FIBCD1: variants seen among roughly 807,000 people sequenced by gnomAD.
FIBCD1 encodes the protein fibrinogen C domain-containing protein 1.
In FIBCD1, 47 loss-of-function variants were observed where a neutral mutation model predicts 45.1. That is an observed-to-expected ratio of 1.04 (90% confidence interval 0.82 to 1.33). The LOEUF (loss-of-function observed/expected upper bound fraction) is 1.33, where lower values mean the gene tolerates loss of function less well. Ranked by LOEUF, FIBCD1 falls within the 40% of genes most tolerant of loss-of-function variation. The pLI is 0.00. For synonymous variants in FIBCD1, 313 were observed against 308.1 expected (o/e 1.02, Z -0.17); for missense variants, 653 against 682.2 (o/e 0.96, Z 0.48).
At chr9:130,918,909 G>A (rs962843420) in intron 4 of FIBCD1, among the ~76,000 whole-genome samples, 3 of 152,212 alleles carry the variant, frequency 2.0e-5, no homozygotes, top group East Asian at 1.9e-4. Context: ...AAGTCAATGC[G>A]TAAACGGACG....
At chr9:130,907,133 G>A (rs73656071) in intron 5 of FIBCD1, among the ~76,000 whole-genome samples, 4,912 of 152,274 alleles carry the variant, frequency 0.032, 253 homozygotes, top group African/African-American at 0.11. Context: ...CCCCGGGGAT[G>A]CTGGAAGATT....
intron 5 of FIBCD1, among the ~76,000 whole-genome samples, chr9:130,910,608 A>G (rs1832020388): frequency 6.6e-6 from 1 of 152,188 alleles, no homozygotes; most frequent in African/African-American, 2.4e-5. Flanking sequence ...GGAGGTGGAG[A>G]GTCTTTATGT....
intron 4 of FIBCD1, among the ~76,000 whole-genome samples, chr9:130,919,680 G>A (rs1257695730): frequency 6.6e-6 from 1 of 152,190 alleles, no homozygotes; most frequent in Non-Finnish European, 1.5e-5. Flanking sequence ...ATGTGAACTG[G>A]CTGACCTCGC....
At chr9:130,931,194 C>T (rs1392340717) in intron 1 of FIBCD1, among the ~76,000 whole-genome samples, 1 of 152,182 alleles carries the variant, frequency 6.6e-6, no homozygotes, top group African/African-American at 2.4e-5. Flanking sequence ...GTGGCTGTCA[C>T]TCCAGAACAA....
intron 3 of FIBCD1, 92 bp from the exon 4 acceptor site, chr9:130,923,972 T>TG (rs1257139581): frequency 6.4e-7 from 1 of 1,562,046 alleles, no homozygotes; most frequent in African/African-American, 1.4e-5. Context: ...ATAATGCATG[T>TG]GGGGTCCCAT....
chr9:130,918,894 C>T (rs1006899371), intron 4 of FIBCD1, among the ~76,000 whole-genome samples: 2 of 152,220 alleles, frequency 1.3e-5, no homozygotes, highest in African/African-American at 4.8e-5. Flanking sequence ...GGGGAAGAGG[C>T]AATCAAGTCA....
At chr9:130,905,642 G>A (rs1831914663) in intron 5 of FIBCD1, among the ~76,000 whole-genome samples, 1 of 152,188 alleles carries the variant, frequency 6.6e-6, no homozygotes, top group African/African-American at 2.4e-5. Context: ...CCTTTAAGTG[G>A]AGCTGTGATG....
At chr9:130,915,501 G>A (rs1405009816) in intron 4 of FIBCD1, among the ~76,000 whole-genome samples, 1 of 152,132 alleles carries the variant, frequency 6.6e-6, no homozygotes, top group Non-Finnish European at 1.5e-5. Flanking sequence ...TCAGGAGTTC[G>A]AGACCAGCCT....
chr9:130,905,978 C>A (rs1831920915), intron 5 of FIBCD1, among the ~76,000 whole-genome samples: 2 of 152,178 alleles, frequency 1.3e-5, no homozygotes, highest in South Asian at 4.1e-4. Flanking sequence ...TTGTCAGTTT[C>A]CCCACCAGTG....
At chr9:130,906,441 A>G (rs1831930810) in intron 5 of FIBCD1, among the ~76,000 whole-genome samples, 1 of 152,138 alleles carries the variant, frequency 6.6e-6, no homozygotes, top group South Asian at 2.1e-4. Flanking sequence ...TCCCGCCCGG[A>G]CAAGAAGCCT....
At chr9:130,929,141 G>A (rs1363792576) in intron 2 of FIBCD1, among the ~76,000 whole-genome samples, 1 of 152,134 alleles carries the variant, frequency 6.6e-6, no homozygotes, top group Non-Finnish European at 1.5e-5. Context: ...TGGAGAGATG[G>A]GGTGCGGCTC....
At chr9:130,912,085 A>G (rs924779318) in intron 4 of FIBCD1, among the ~76,000 whole-genome samples, 197 bp from the exon 5 acceptor site, 13 of 151,992 alleles carry the variant, frequency 8.6e-5, no homozygotes, top group African/African-American at 3.1e-4. Flanking sequence ...CCAGAGCCTC[A>G]TGGTGGCTCG....
chr9:130,910,491 A>G (rs4740211), intron 5 of FIBCD1, among the ~76,000 whole-genome samples: 20,993 of 152,252 alleles, frequency 0.14, 1,478 homozygotes, highest in Non-Finnish European at 0.15. Flanking sequence ...CGAGCACCCA[A>G]GGGCTGAGGA....
rs566064350 is a variant in FIBCD1, at chr9:130,922,862, G to C, written c.849+882C>G. On this transcript the variant is annotated intron_variant, in intron 4 of 6. Transcript: ENST00000372338. This position sits in a 1 kb window ranked among gnomAD's most constrained non-coding sequence, Gnocchi z 4.5. ...CGCGTTAGGTTGCCCCCTCCTCCTG[G>C]AATACCTTCTCCTTCCTGCCCGCAC... is the stretch of plus-strand genomic sequence containing the variant. 6.6e-5 allele frequency among the ~76,000 whole-genome samples: 10 copies of C among 152,116 alleles called. No individual in the cohort carries two copies. Among genetic ancestry groups the C allele is most frequent in the Admixed American group, 6.5e-4 (10 of 15,286 alleles).
intron 4 of FIBCD1, among the ~76,000 whole-genome samples, chr9:130,921,659 C>G (rs1185120480): frequency 1.3e-5 from 2 of 152,222 alleles, no homozygotes; most frequent in South Asian, 4.1e-4. Flanking sequence ...GACGCATGGC[C>G]CGCTCCGGCG....
chr9:130,920,690 C>G (rs1445165238), intron 4 of FIBCD1, among the ~76,000 whole-genome samples: 1 of 152,062 alleles, frequency 6.6e-6, no homozygotes, highest in African/African-American at 2.4e-5. Context: ...GCCAAACCTC[C>G]TTAAACCAGA....
chr9:130,904,588 C>G (rs150572959), intron 6 of FIBCD1, among the ~76,000 whole-genome samples: 2 of 100,528 alleles, frequency 2.0e-5, no homozygotes, highest in South Asian at 6.5e-4. Context: ...CTCTATCCCT[C>G]CCCCCAGCTT....
At chr9:130,935,503 C>T (rs1225597302) in intron 1 of FIBCD1, among the ~76,000 whole-genome samples, 1 of 152,240 alleles carries the variant, frequency 6.6e-6, no homozygotes, top group East Asian at 1.9e-4. Context: ...GGTCGCCCGA[C>T]AAAGAGTAGC....
intron 6 of FIBCD1, among the ~76,000 whole-genome samples, chr9:130,904,898 C>G (rs964300969): frequency 6.6e-6 from 1 of 152,172 alleles, no homozygotes; most frequent in Admixed American, 6.5e-5. Flanking sequence ...ACAGAAGATT[C>G]GCAGAAGCTC....
Sources: allele counts gnomAD v4.1 joint callset (sites outside exome capture counted in the v4.1 genomes callset), GRCh38; gene constraint gnomAD v4.1.1; non-coding constraint Gnocchi (gnomAD v3.1); transcripts MANE v1.5; gene names NCBI Gene and HGNC (gene_info 2026-07-23, HGNC 2026-07-21).